KIFAP3: variants seen among roughly 807,000 people sequenced by gnomAD.
The protein encoded by KIFAP3 is kinesin associated protein 3.
A neutral mutation model predicts 106.5 loss-of-function variants in KIFAP3; 68 were observed. The observed-to-expected ratio is 0.64, with a 90% CI of 0.53 to 0.78. The LOEUF is 0.78. KIFAP3 is among the 30% of genes least tolerant of loss of function. The probability of loss-of-function intolerance (pLI) is 0.00; values close to 1 mark genes in which losing one functional copy is unlikely to be tolerated. For synonymous variants in KIFAP3, 320 were observed against 311.5 expected (o/e 1.03, Z -0.29); for missense variants, 780 against 941.8 (o/e 0.83, Z 2.25).
At chr1:170,042,670 A>C (rs1670041433) in intron 3 of KIFAP3, among the ~76,000 whole-genome samples, 1 of 152,146 alleles carries the variant, frequency 6.6e-6, no homozygotes, top group Non-Finnish European at 1.5e-5. Flanking sequence ...CCTGTGACTG[A>C]GTGGGAGCTC....
chr1:170,004,995 C>A (rs1385632798), intron 10 of KIFAP3, among the ~76,000 whole-genome samples: 1 of 151,374 alleles, frequency 6.6e-6, no homozygotes, highest in Admixed American at 6.6e-5. Context: ...TACAATGAAC[C>A]CAAACAAATT....
chr1:170,021,951 T>C (rs1372709068), intron 9 of KIFAP3, among the ~76,000 whole-genome samples: 1 of 129,158 alleles, frequency 7.7e-6, no homozygotes. Flanking sequence ...CTTTTTTTTT[T>C]TTTTTTTTTT....
Position 170,020,030 on chromosome 1 carries a change from A to G in KIFAP3, c.1021-3406T>C, listed in dbSNP as rs959119758. On this transcript the variant is annotated intron_variant, in intron 9 of 19. Coordinates refer to ENST00000361580, the MANE Select transcript of KIFAP3 (RefSeq NM_014970.4). ...GCAAAATCAATTATATTTCTATATA[A>G]TATCAACCAAAACCAGGAAACTGGT... Among the ~76,000 whole-genome samples, 13 of 152,338 alleles carry G rather than the reference A, an allele frequency of 8.5e-5. No individual in the cohort carries two copies. In the South Asian group the frequency reaches 1.2e-3, roughly 15 times the overall value.
chr1:170,070,194 G>C (rs1205410671), intron 1 of KIFAP3, among the ~76,000 whole-genome samples: 1 of 152,146 alleles, frequency 6.6e-6, no homozygotes, highest in Non-Finnish European at 1.5e-5. Flanking sequence ...TTCATGGACT[G>C]AAGGACTTAA....
chr1:169,922,999 G>A (rs576816398), intron 19 of KIFAP3: 19 of 568,972 alleles, frequency 3.3e-5, no homozygotes, highest in South Asian at 7.8e-5. Context: ...GTGTGCACGC[G>A]TGCTTGTGTG....
chr1:169,995,799 C>T (rs765998675), intron 10 of KIFAP3, among the ~76,000 whole-genome samples: 30 of 151,968 alleles, frequency 2.0e-4, no homozygotes, highest in Non-Finnish European at 4.0e-4. Flanking sequence ...ATAGGTACTA[C>T]ATTAAAAGAA....
rs772188545 is a variant in KIFAP3 at position 170,035,450 on chromosome 1, T to G, written c.617+4A>C. 7 of 1,572,372 alleles carry G rather than the reference T, an allele frequency of 4.5e-6. No homozygotes were observed. Among genetic ancestry groups the G allele is most frequent in the Non-Finnish European group, 6.1e-6 (7 of 1,154,374 alleles). Reference sequence around the variant, plus strand: ...CCTTTTTATTTAATAATTTTTATACTTACCTGGAGAAACAAAAAAAGATGT... The same window carrying G: ...CCTTTTTATTTAATAATTTTTATACGTACCTGGAGAAACAAAAAAAGATGT... On this transcript the variant is annotated splice_donor_region_variant and intron_variant, in intron 6 of 19. Transcript: ENST00000361580.
chr1:170,000,723 G>T (rs1305615629), intron 10 of KIFAP3, among the ~76,000 whole-genome samples: 4 of 152,046 alleles, frequency 2.6e-5, no homozygotes, highest in African/African-American at 9.7e-5. Flanking sequence ...AATTTGCACA[G>T]ACCAATGTTT....
At chr1:170,032,205 T>G (rs1299735262) in intron 7 of KIFAP3, 2 of 412,106 alleles carry the variant, frequency 4.9e-6, no homozygotes, top group African/African-American at 2.0e-5. Flanking sequence ...GTGAACAAAC[T>G]TTTTTATGTA....
intron 8 of KIFAP3, among the ~76,000 whole-genome samples, chr1:170,028,423 C>T (rs577360426): frequency 6.6e-5 from 10 of 152,146 alleles, no homozygotes; most frequent in South Asian, 2.1e-4. Context: ...TTGCAACCTC[C>T]GCTCCCAGGT....
At chr1:169,930,780 C>G (rs1201564803) in intron 19 of KIFAP3, among the ~76,000 whole-genome samples, 4 of 152,144 alleles carry the variant, frequency 2.6e-5, no homozygotes, top group Non-Finnish European at 1.5e-5. Flanking sequence ...CCCTATCTTT[C>G]TTATGAACTT....
chr1:170,056,238 A>T (rs1189434896), intron 1 of KIFAP3, among the ~76,000 whole-genome samples: 1 of 152,198 alleles, frequency 6.6e-6, no homozygotes, highest in Admixed American at 6.5e-5. Flanking sequence ...TAGAATTAGT[A>T]CCTAAATAAA....
At chr1:170,040,560 T>C (rs1168405994) in intron 3 of KIFAP3, among the ~76,000 whole-genome samples, 1 of 152,166 alleles carries the variant, frequency 6.6e-6, no homozygotes, top group African/African-American at 2.4e-5. Flanking sequence ...TTCAGAATTA[T>C]ATTAATGTGG....
chr1:169,932,471 T>C (rs956910103), intron 19 of KIFAP3, among the ~76,000 whole-genome samples: 6 of 152,104 alleles, frequency 3.9e-5, no homozygotes, highest in Non-Finnish European at 7.4e-5. Flanking sequence ...TAATGCACTA[T>C]TGAAATGAAC....
chr1:170,022,858 C>T (rs1285107044), intron 9 of KIFAP3, among the ~76,000 whole-genome samples: 1 of 151,984 alleles, frequency 6.6e-6, no homozygotes, highest in Non-Finnish European at 1.5e-5. Flanking sequence ...TAATAATAGT[C>T]AAGATCTTTT....
chr1:169,923,985 C>G (rs1228574073), intron 19 of KIFAP3, among the ~76,000 whole-genome samples: 1 of 23,352 alleles, frequency 4.3e-5, no homozygotes, highest in Non-Finnish European at 6.6e-5. Context: ...TTGCAAAATT[C>G]TCCCCCTTTT....
chr1:170,082,632 G>A lies in KIFAP3; in HGVS notation n.174+2403C>T, dbSNP rs185878602. The stretch of plus-strand genomic sequence containing the variant: ...ATGTGATTGTTTTAAAAGATATAAT[G>A]AGCAAGGAAAAAAGTAGTAAGCCAA... On this transcript the variant is annotated intron_variant and non_coding_transcript_variant, in intron 1 of 5. Transcript: ENST00000490550. Among the ~76,000 whole-genome samples, 161 of 152,194 alleles carry A rather than the reference G, an allele frequency of 1.1e-3. 1 individual carries two copies. The highest frequency in any genetic ancestry group is 3.6e-3 in the African/African-American group (149 of 41,530).
At chr1:169,947,413 A>C (rs951270290) in intron 19 of KIFAP3, among the ~76,000 whole-genome samples, 3 of 151,928 alleles carry the variant, frequency 2.0e-5, no homozygotes, top group African/African-American at 7.2e-5. Flanking sequence ...ATCATGACTT[A>C]AAATTCTATT....
At position 169,978,164 on chromosome 1, in the gene KIFAP3, T is replaced by C; in HGVS notation, c.1818A>G (p.Glu606=). Residue 606 remains glutamate (E), a synonymous_variant, in exon 16 of 20, where the codon GAA becomes GAG. Transcript: ENST00000361580. ...ELLNAQQEDD[E]FVCQIIYVFY... Reference sequence around the variant, plus strand: ...AGACATAAATTATCTGACACACAAATTCATCATCTTCTTGTTGAGCTGTAA... The same window carrying C: ...AGACATAAATTATCTGACACACAAACTCATCATCTTCTTGTTGAGCTGTAA... The C allele has an allele frequency of 6.2e-7, 1 of 1,611,068 alleles. No individual in the cohort carries two copies. The highest frequency in any genetic ancestry group is 8.5e-7 in the Non-Finnish European group (1 of 1,177,726).
Sources: allele counts gnomAD v4.1 joint callset (sites outside exome capture counted in the v4.1 genomes callset), GRCh38; gene constraint gnomAD v4.1.1; transcripts MANE v1.5; gene names NCBI Gene and HGNC (gene_info 2026-07-23, HGNC 2026-07-21).